Variants in NTMT1 observed in about 807,000 individuals in gnomAD.
NTMT1 encodes the protein N-terminal Xaa-Pro-Lys N-methyltransferase 1.
A neutral mutation model predicts 17.5 loss-of-function variants in NTMT1; 8 were observed. The ratio of observed to expected loss-of-function variants is 0.46; its 90% CI spans 0.27 to 0.82. The LOEUF is 0.82. Ranked by LOEUF, NTMT1 falls within the 40% of genes least tolerant of loss-of-function variation. NTMT1 has a pLI of 0.15. For synonymous variants in NTMT1, 128 were observed against 126.8 expected, an observed-to-expected ratio of 1.01 and a Z score of -0.06; for missense variants, 221 against 303.5, an observed-to-expected ratio of 0.73 and a Z score of 2.02.
intron 1 of NTMT1, chr9:129,619,865 T>C: frequency 6.2e-7 from 1 of 1,606,236 alleles, no homozygotes. Context: ...GAGCCTTGGC[T>C]GGGGGACGGT....
intron 1 of NTMT1, chr9:129,615,522 T>C: frequency 6.2e-7 from 1 of 1,610,782 alleles, no homozygotes; most frequent in South Asian, 1.1e-5. Context: ...CGTTGTGTCC[T>C]GCAGGGTCTC....
chr9:129,612,088 T>C (rs1830125967), intron 1 of NTMT1: 2 of 429,656 alleles, frequency 4.7e-6, no homozygotes, highest in Non-Finnish European at 8.7e-6. Context: ...GTCTCCCACC[T>C]TCCAGAAGAG....
rs1213429707 is a variant in NTMT1 at position 129,614,879 on chromosome 9, G to A, written c.-55+5701G>A. Among the ~76,000 whole-genome samples, 1 of 152,066 alleles carries A rather than the reference G, an allele frequency of 6.6e-6. No individual in the cohort carries two copies. The highest frequency in any genetic ancestry group is 2.4e-5 in the African/African-American group (1 of 41,378). ...ATCGCGCCACTGCACTCCAGCCTGG[G>A]CGACAGAGTGAGACTCCGTATCAGA... is the stretch of plus-strand genomic sequence containing the variant. On this transcript the variant is annotated intron_variant, in intron 1 of 3. Coordinates refer to the NTMT1 transcript ENST00000372486. The surrounding 1 kb of genome is among the most constrained non-coding windows in gnomAD (Gnocchi z 4.4).
intron 1 of NTMT1, chr9:129,615,512 C>T (rs146441613): frequency 1.7e-4 from 279 of 1,606,440 alleles, no homozygotes; most frequent in Non-Finnish European, 2.1e-4. Context: ...AGTAGCGGAG[C>T]GTTGTGTCCT....
intron 1 of NTMT1, among the ~76,000 whole-genome samples, chr9:129,629,518 G>A (rs758047532): frequency 1.3e-5 from 2 of 152,152 alleles, no homozygotes; most frequent in Admixed American, 6.5e-5. Flanking sequence ...AGTCTCCCTA[G>A]TAGCTACTAG....
chr9:129,631,484 A>C (rs1248292250), intron 1 of NTMT1, among the ~76,000 whole-genome samples: 1 of 152,174 alleles, frequency 6.6e-6, no homozygotes, highest in African/African-American at 2.4e-5. Flanking sequence ...GCCAGGACCC[A>C]GCTGAGGCTT....
In NTMT1 at chr9:129,613,711, A is replaced by G. The variant is rs1830202325; in HGVS notation, c.-55+4533A>G. Reference sequence around the variant, plus strand: ...CGGTCAGAGCCCTGTCTCCATGGCAACCCCAGGCTCCCCAGCGCCTTCTGG... The same window carrying G: ...CGGTCAGAGCCCTGTCTCCATGGCAGCCCCAGGCTCCCCAGCGCCTTCTGG... On this transcript the variant is annotated intron_variant, in intron 1 of 3. Transcript: ENST00000372486. This position sits in a 1 kb window ranked among gnomAD's most constrained non-coding sequence, Gnocchi z 6.2. 7.4e-7 allele frequency: 1 copy of G among 1,347,194 alleles called. No individual in the cohort carries two copies. The highest frequency in any genetic ancestry group is 1.5e-5 in the African/African-American group (1 of 68,770). The allele number at this position is 1,347,194 out of a possible 1,614,324, so 83.5% of individuals were successfully genotyped here.
In NTMT1 at chr9:129,635,520, G is replaced by T. The variant is rs1328964614; in HGVS notation, c.*56G>T. ...ACAGTCCTGGTGGGGGGAGCTGGCA[G>T]CTGGGCAAGATCCAGGCGCCACGCT... On this transcript the variant is annotated 3_prime_UTR_variant, in exon 4 of 4. Transcript: ENST00000372483. 1.1e-5 allele frequency: 18 copies of T among 1,567,052 alleles called. No homozygotes were observed. In the East Asian group the frequency reaches 4.1e-4, roughly 35 times the overall value.
At position 129,632,191 on chromosome 9, in the gene NTMT1, G is replaced by A. The variant is rs368318061; in HGVS notation, c.-54-459G>A. On this transcript the variant is annotated intron_variant, in intron 1 of 3. Transcript: ENST00000372483. ...AGGCCAGGCACATGGGCTCACACCC[G>A]TAATCCCAGCACTTTGGGAGGCCAA... is the stretch of plus-strand genomic sequence containing the variant. Among the ~76,000 whole-genome samples the A allele has an allele frequency of 3.3e-5, 5 of 151,630 alleles. No individual in the cohort carries two copies. In the South Asian group the frequency reaches 8.5e-4, roughly 26 times the overall value.
chr9:129,623,985 G>C (rs989186512), upstream of NTMT1, among the ~76,000 whole-genome samples: 2 of 151,788 alleles, frequency 1.3e-5, no homozygotes, highest in South Asian at 4.2e-4. Context: ...TAGTAGAGAC[G>C]GGGTTTCACC....
upstream of NTMT1, among the ~76,000 whole-genome samples, chr9:129,625,983 G>T (rs542420325): frequency 1.3e-4 from 19 of 146,708 alleles, no homozygotes; most frequent in African/African-American, 4.3e-4. Context: ...CTGCACTCCA[G>T]CCTGCTTGAC....
intron 1 of NTMT1, among the ~76,000 whole-genome samples, chr9:129,618,648 T>C (rs928857304): frequency 5.9e-5 from 9 of 152,286 alleles, no homozygotes; most frequent in African/African-American, 2.2e-4. Context: ...AATGGATGGA[T>C]GGATAGAAGT....
rs1169817310 is a variant in NTMT1, at chr9:129,612,392, G to T, written c.-55+3214G>T. ...GTGTTGCGGAGGCCAGGAGGAGATG[G>T]TACCCCTTAGGGCAGCCTTGCTTCA... is the stretch of plus-strand genomic sequence containing the variant. On this transcript the variant is annotated intron_variant, in intron 1 of 3. Coordinates refer to the NTMT1 transcript ENST00000372486. 3.7e-6 allele frequency: 6 copies of T among 1,613,912 alleles called. No individual in the cohort carries two copies. The South Asian group carries it at 5.5e-5, about 15-fold the overall frequency.
chr9:129,633,602 G>A (rs1037747903), intron 2 of NTMT1: 1 of 156,184 alleles, frequency 6.4e-6, no homozygotes, highest in African/African-American at 2.4e-5. Flanking sequence ...AGGATTGCTT[G>A]AGCCCAGGAG....
rs1211598543 is a variant in NTMT1, at chr9:129,614,621, T to A, written c.-55+5443T>A. Among the ~76,000 whole-genome samples the A allele has an allele frequency of 6.6e-6, 1 of 152,098 alleles. No homozygotes were observed. The highest frequency in any genetic ancestry group is 2.4e-5 in the African/African-American group (1 of 41,422). On this transcript the variant is annotated intron_variant, in intron 1 of 3. Transcript: ENST00000372486. This position sits in a 1 kb window ranked among gnomAD's most constrained non-coding sequence, Gnocchi z 4.4. Reference sequence around the variant, plus strand: ...CACACTTCAGAAAATTCACTGGGAATGGCCAGGCGCGGTGGCTCATGCCTG... The same window carrying A: ...CACACTTCAGAAAATTCACTGGGAAAGGCCAGGCGCGGTGGCTCATGCCTG...
At chr9:129,611,344 G>A (rs1199202134) in intron 1 of NTMT1, among the ~76,000 whole-genome samples, 1 of 152,218 alleles carries the variant, frequency 6.6e-6, no homozygotes, top group African/African-American at 2.4e-5. Context: ...CCAGGGGGCT[G>A]GAACGCAGGT....
intron 1 of NTMT1, among the ~76,000 whole-genome samples, chr9:129,615,307 C>T (rs766024837): frequency 5.3e-5 from 8 of 152,208 alleles, no homozygotes; most frequent in Non-Finnish European, 8.8e-5. Flanking sequence ...ACTTGGTCTT[C>T]GAAGGTCAAC....
intron 1 of NTMT1, among the ~76,000 whole-genome samples, chr9:129,616,406 G>C (rs927695885): frequency 1.3e-5 from 2 of 152,078 alleles, no homozygotes; most frequent in African/African-American, 4.8e-5. Flanking sequence ...AGTAGAAACG[G>C]GGTTTCACCT....
intron 1 of NTMT1, among the ~76,000 whole-genome samples, chr9:129,630,860 G>C (rs1393264412): frequency 6.6e-6 from 1 of 152,214 alleles, no homozygotes; most frequent in African/African-American, 2.4e-5. Context: ...CTGCTGCTGG[G>C]ATTCCTACCA....
Sources: gnomAD v4.1 joint callset for allele counts (sites outside exome capture counted in the v4.1 genomes callset) on GRCh38, gnomAD v4.1.1 for gene constraint, Gnocchi (gnomAD v3.1) non-coding constraint, MANE v1.5 for transcripts, NCBI Gene and HGNC (gene_info 2026-07-23, HGNC 2026-07-21) for gene names.